Variants in MACF1 observed in about 807,000 individuals in gnomAD.
MACF1 encodes microtubule-actin cross-linking factor 1.
Under a neutral mutation model 854.8 loss-of-function variants are expected in MACF1, and 193 were observed. The ratio of observed to expected loss-of-function variants is 0.23; its 90% CI spans 0.20 to 0.25. The LOEUF (loss-of-function observed/expected upper bound fraction) is 0.25, where lower values mean the gene tolerates loss of function less well. MACF1 is among the 10% of genes least tolerant of loss of function. The pLI, the probability that MACF1 is intolerant of heterozygous loss-of-function variation, is 1.00. For synonymous variants in MACF1, 3,185 were observed against 3,226.7 expected, an observed-to-expected ratio of 0.99 and a Z score of 0.44; for missense variants, 7,722 against 8,929.1, an observed-to-expected ratio of 0.86 and a Z score of 5.45.
intron 2 of MACF1, among the ~76,000 whole-genome samples, chr1:39,111,651 G>T (rs984753014): frequency 1.3e-5 from 2 of 152,112 alleles, no homozygotes; most frequent in African/African-American, 4.8e-5. Context: ...AAAGTGCTGG[G>T]ATTACAGGCG....
intron 58 of MACF1, among the ~76,000 whole-genome samples, chr1:39,419,083 A>G (rs1331856707): frequency 6.6e-6 from 1 of 152,228 alleles, no homozygotes; most frequent in Admixed American, 6.5e-5. Context: ...TAGTGTATCT[A>G]AAAGCACTGG....
intron 80 of MACF1, among the ~76,000 whole-genome samples, chr1:39,446,925 A>G (rs1288655685): frequency 6.6e-6 from 1 of 152,156 alleles, no homozygotes; most frequent in African/African-American, 2.4e-5. Context: ...CATAAGCATA[A>G]TTTTTAGACT....
chr1:39,100,545 T>TC (rs1455224719), intron 2 of MACF1, among the ~76,000 whole-genome samples: 1 of 152,198 alleles, frequency 6.6e-6, no homozygotes, highest in Non-Finnish European at 1.5e-5. Flanking sequence ...TCTGGTTCAC[T>TC]CATTCATGCA....
At chr1:39,323,305 C>T (rs1341025093) in intron 33 of MACF1, among the ~76,000 whole-genome samples, 1 of 151,986 alleles carries the variant, frequency 6.6e-6, no homozygotes, top group Non-Finnish European at 1.5e-5. Flanking sequence ...TGTGCCACTG[C>T]ACTCCAGCCT....
Position 39,358,858 on chromosome 1 carries a change from G to C in MACF1, c.12105G>C (p.Gln4035His), listed in dbSNP as rs2148514025. The change falls in exon 46 of 101, where the codon CAG becomes CAC. Residue 4035 changes from glutamine to histidine, a missense_variant. By Grantham distance (24) the Gln-to-His change is conservative. This residue lies in a region of MACF1 where 2,807 missense variants were observed against 3,235.8 expected (regional missense o/e 0.87). Transcript: ENST00000564288. ...VASDPGVLQE[Q>H]LATTKQLQEE... is the part of the protein sequence containing the mutation. ...CTGACCCTGGAGTTCTCCAGGAGCA[G>C]CTTGCAACAACAAAGGTAAGTCAGG... is the stretch of plus-strand genomic sequence containing the variant. The C allele has an allele frequency of 6.2e-7, 1 of 1,608,686 alleles. No homozygotes were observed. The highest frequency in any genetic ancestry group is 2.2e-5 in the East Asian group (1 of 44,844).
intron 4 of MACF1, among the ~76,000 whole-genome samples, 187 bp downstream of exon 4, chr1:39,252,128 T>C (rs1645046707): frequency 6.6e-6 from 1 of 152,228 alleles, no homozygotes; most frequent in African/African-American, 2.4e-5. Flanking sequence ...TGTTAGGTGC[T>C]CATGGACTGG....
rs113056239 is a variant in MACF1, at chr1:39,239,075, G to A, written c.171+7832G>A. The stretch of plus-strand genomic sequence containing the variant: ...GGGGGTGGATCACTTGAGGTCAGGA[G>A]TTCGAGACCAGCCAGGCCAACATGG... On this transcript the variant is annotated intron_variant, in intron 2 of 100. Coordinates refer to ENST00000564288, the MANE Select transcript of MACF1 (RefSeq NM_001394062.1). 1.6e-3 allele frequency among the ~76,000 whole-genome samples: 250 copies of A among 152,308 alleles called. 2 individuals carry two copies. Among genetic ancestry groups the A allele is most frequent in the African/African-American group, 5.0e-3 (208 of 41,574 alleles).
Position 39,327,429 on chromosome 1 carries a change from G to T in MACF1, c.4614+76G>T. On this transcript the variant is annotated intron_variant, in intron 36 of 100. Coordinates refer to ENST00000564288, the MANE Select transcript of MACF1 (RefSeq NM_001394062.1). ...ATGAAGGCAGCTTTGCTGATTCAGA[G>T]TCATGATCACTAGCTTTCCATGACC... The T allele has an allele frequency of 1.7e-5, 24 of 1,437,614 alleles. No homozygotes were observed. The South Asian group carries it at 3.4e-4, about 20-fold the overall frequency. 89.1% of individuals were successfully genotyped at this position (1,437,614 alleles called of 1,614,324 possible).
chr1:39,262,821 A>G (rs1645180003), intron 6 of MACF1, among the ~76,000 whole-genome samples: 1 of 152,160 alleles, frequency 6.6e-6, no homozygotes, highest in Non-Finnish European at 1.5e-5. Flanking sequence ...CGCTCCCAGA[A>G]TATTTTCTCA....
At chr1:39,282,088 T>C in intron 6 of MACF1, 120 bp from the exon 7 acceptor site, 1 of 936,320 alleles carries the variant, frequency 1.1e-6, no homozygotes. Context: ...GGAATAGTCC[T>C]CTAAAGTGCT....
chr1:39,482,047 TA>T (rs1018496589), intron 99 of MACF1, among the ~76,000 whole-genome samples: 2 of 152,248 alleles, frequency 1.3e-5, no homozygotes, highest in Non-Finnish European at 2.9e-5. Context: ...AGTTCTATTT[TA>T]AATTTTAGAT....
At chr1:39,137,393 G>A (rs1036975329) in intron 2 of MACF1, among the ~76,000 whole-genome samples, 1 of 152,126 alleles carries the variant, frequency 6.6e-6, no homozygotes, top group Admixed American at 6.5e-5. Flanking sequence ...TTAAAGACAG[G>A]TTCTTGCTCT....
In MACF1 at chr1:39,387,219, G is replaced by A; in HGVS notation, c.14377G>A (p.Ala4793Thr). ...DRINRLQAAL[A>T]STQQFQQMFD... ...CATTAACAGACTCCAGGCAGCTCTTGCCAGCACCCAGCAGTTCCAGCAAAT... is the reference window on the plus strand; with the variant it reads ...CATTAACAGACTCCAGGCAGCTCTTACCAGCACCCAGCAGTTCCAGCAAAT... Residue 4793 changes from alanine to threonine, a missense_variant, in exon 58 of 101, where the codon GCC (alanine) becomes ACC (threonine). Around this residue, in one of 15 missense-constraint regions of MACF1, gnomAD observed 2,807 missense variants for 3,235.8 expected, o/e 0.87. Transcript: ENST00000564288. 6.2e-7 allele frequency: 1 copy of A among 1,614,122 alleles called. No homozygotes were observed. The highest frequency in any genetic ancestry group is 1.1e-5 in the South Asian group (1 of 91,086).
intron 2 of MACF1, among the ~76,000 whole-genome samples, chr1:39,119,418 TTTGTTGTTG>T (rs149476759): frequency 1.3e-5 from 2 of 151,344 alleles, no homozygotes; most frequent in Non-Finnish European, 2.9e-5. Context: ...CATTTCTTAG[TTTGTTGTTG>T]TTGTTGTTGT....
intron 2 of MACF1, among the ~76,000 whole-genome samples, chr1:39,246,982 A>T (rs1483619074): frequency 2.0e-5 from 3 of 150,288 alleles, no homozygotes; most frequent in African/African-American, 7.4e-5. Flanking sequence ...GCTCACTGCA[A>T]CCTCTGTCTC....
At chr1:39,340,438 C>T (rs1389442753) in intron 38 of MACF1, 64 bp from the exon 39 acceptor site, 4 of 1,200,910 alleles carry the variant, frequency 3.3e-6, no homozygotes, top group African/African-American at 1.5e-5. Flanking sequence ...GAAATGTGTT[C>T]ACAGCTGATT....
intron 2 of MACF1, among the ~76,000 whole-genome samples, chr1:39,234,751 G>A (rs1176124521): frequency 3.7e-5 from 5 of 133,730 alleles, no homozygotes; most frequent in South Asian, 2.7e-4. Flanking sequence ...TTCTCAGACG[G>A]GGCGGTTGCC....
At chr1:39,085,428 G>A (rs1641646967) in intron 2 of MACF1, among the ~76,000 whole-genome samples, 1 of 152,114 alleles carries the variant, frequency 6.6e-6, no homozygotes, top group Non-Finnish European at 1.5e-5. Flanking sequence ...CCGCTTTCAA[G>A]CCGTCACCAA....
intron 97 of MACF1, among the ~76,000 whole-genome samples, chr1:39,470,487 T>A (rs990449200): frequency 3.3e-5 from 5 of 151,934 alleles, no homozygotes; most frequent in African/African-American, 1.2e-4. Flanking sequence ...CAAAAAAAAA[T>A]TTAAAAATTA....
Sources: allele counts gnomAD v4.1 joint callset (sites outside exome capture counted in the v4.1 genomes callset), GRCh38; gene constraint gnomAD v4.1.1; regional missense constraint gnomAD v4.1.1; transcripts MANE v1.5; gene names NCBI Gene and HGNC (gene_info 2026-07-23, HGNC 2026-07-21).